Variants in KCNK1 observed in about 807,000 individuals in gnomAD.
KCNK1 encodes the protein potassium channel subfamily K member 1.
KCNK1 carries 10 observed loss-of-function variants against 22.2 expected under a neutral mutation model. The observed-to-expected ratio is 0.45, with a 90% CI of 0.28 to 0.76. The LOEUF is 0.76. KCNK1 is among the 30% of genes least tolerant of loss of function. KCNK1 has a pLI of 0.14. For synonymous variants in KCNK1, 200 were observed against 186.4 expected (o/e 1.07, Z -0.60); for missense variants, 378 against 421.0 (o/e 0.90, Z 0.89).
intron 1 of KCNK1, among the ~76,000 whole-genome samples, chr1:233,646,821 G>T (rs1357483016): frequency 6.6e-6 from 1 of 152,184 alleles, no homozygotes; most frequent in African/African-American, 2.4e-5. Flanking sequence ...TGAGAAAGAT[G>T]AGGATAGAAT....
At chr1:233,643,225 G>A (rs1276084974) in intron 1 of KCNK1, among the ~76,000 whole-genome samples, 2 of 152,082 alleles carry the variant, frequency 1.3e-5, no homozygotes, top group African/African-American at 4.8e-5. Context: ...CATCCACAGT[G>A]GTTAGGAGTA....
intron 1 of KCNK1, among the ~76,000 whole-genome samples, chr1:233,621,109 G>A (rs1426299613): frequency 2.0e-5 from 3 of 152,180 alleles, no homozygotes; most frequent in Non-Finnish European, 4.4e-5. Flanking sequence ...ACCTTGTTAT[G>A]GGCCAAATCG....
At chr1:233,663,118 G>C (rs1224908666) in intron 1 of KCNK1, among the ~76,000 whole-genome samples, 1 of 152,212 alleles carries the variant, frequency 6.6e-6, no homozygotes, top group African/African-American at 2.4e-5. Context: ...CTGTGTTGTA[G>C]TTGGTGCAGA....
At chr1:233,614,999 C>A (rs1464271960) in intron 1 of KCNK1, among the ~76,000 whole-genome samples, 1 of 152,228 alleles carries the variant, frequency 6.6e-6, no homozygotes. Context: ...GAGGCCGAGG[C>A]TGCAGTCTGG....
intron 1 of KCNK1, among the ~76,000 whole-genome samples, chr1:233,654,789 A>G (rs1436044615): frequency 6.6e-6 from 1 of 152,236 alleles, no homozygotes; most frequent in Non-Finnish European, 1.5e-5. Context: ...ACATTGGGAA[A>G]GAACACCAAG....
intron 1 of KCNK1, among the ~76,000 whole-genome samples, chr1:233,634,147 A>G (rs886663866): frequency 6.6e-6 from 1 of 151,998 alleles, no homozygotes; most frequent in African/African-American, 2.4e-5. Context: ...CTCTACTAAA[A>G]ATACAAAAAT....
intron 1 of KCNK1, among the ~76,000 whole-genome samples, chr1:233,621,831 CTTTTATGACATAACTGTGAG>C (rs992425372): frequency 4.6e-5 from 7 of 152,192 alleles, no homozygotes; most frequent in African/African-American, 1.4e-4. Context: ...GATGTCTTTC[CTTTTATGACATAACTGTGAG>C]TCCTATCAAG....
intron 1 of KCNK1, among the ~76,000 whole-genome samples, chr1:233,622,805 T>C (rs866630243): frequency 1.3e-5 from 2 of 152,230 alleles, no homozygotes; most frequent in Non-Finnish European, 1.5e-5. Flanking sequence ...CTGATTGTTA[T>C]ATTGATGAGA....
Position 233,671,421 on chromosome 1 carries a change from TCTC to T in KCNK1, c.906_908del (p.Ser303del). 2 of 1,614,082 alleles carry T rather than the reference TCTC, an allele frequency of 1.2e-6. No homozygotes were observed. The highest frequency in any genetic ancestry group is 1.1e-5 in the South Asian group (1 of 91,072). On this transcript the variant is annotated inframe_deletion, in exon 3 of 3. Coordinates refer to ENST00000366621, the MANE Select transcript of KCNK1 (RefSeq NM_002245.4). ...ATCATAGAGCATGACCAACTGTCCT[TCTC>T]CTCGATCACAGACCAGGCAGCTGGC...
intron 2 of KCNK1, among the ~76,000 whole-genome samples, chr1:233,671,054 A>G (rs1044680003): frequency 3.9e-5 from 6 of 152,130 alleles, no homozygotes; most frequent in African/African-American, 1.4e-4. Flanking sequence ...CCAAGTTCAT[A>G]GGAGGTTAAA....
At chr1:233,653,225 A>T (rs1658229865) in intron 1 of KCNK1, among the ~76,000 whole-genome samples, 1 of 152,132 alleles carries the variant, frequency 6.6e-6, no homozygotes, top group South Asian at 2.1e-4. Flanking sequence ...TCCCCCCTTG[A>T]TTCCTTTGTG....
chr1:233,633,029 C>T (rs562386556), intron 1 of KCNK1, among the ~76,000 whole-genome samples: 11 of 151,786 alleles, frequency 7.2e-5, no homozygotes, highest in East Asian at 1.9e-4. Context: ...TTTACAAAGA[C>T]GAGGTTCATT....
intron 2 of KCNK1, among the ~76,000 whole-genome samples, chr1:233,670,477 A>G (rs1288706076): frequency 5.3e-5 from 8 of 152,242 alleles, no homozygotes; most frequent in Admixed American, 5.2e-4. Flanking sequence ...AAGAGGTTTA[A>G]TTGGACTTAC....
At chr1:233,643,115 G>A (rs1194361295) in intron 1 of KCNK1, among the ~76,000 whole-genome samples, 1 of 151,928 alleles carries the variant, frequency 6.6e-6, no homozygotes, top group African/African-American at 2.4e-5. Context: ...GATGAGGAAG[G>A]AGGAGTCAGG....
intron 1 of KCNK1, among the ~76,000 whole-genome samples, chr1:233,662,253 TCTTCTTCTTCTTCTTCTTCTC>T (rs1658408277): frequency 1.5e-5 from 2 of 133,468 alleles, no homozygotes; most frequent in Admixed American, 1.6e-4. Context: ...TTCTTCTTCT[TCTTCTTCTTCTTCTTCTTCTC>T]CTCCTCCTCC....
intron 1 of KCNK1, chr1:233,655,946 G>A (rs1011136893): frequency 6.6e-6 from 1 of 152,066 alleles, no homozygotes; most frequent in African/African-American, 2.4e-5. Flanking sequence ...ATACTGGACA[G>A]CTCTTTAACT....
chr1:233,633,788 G>C (rs941394431), intron 1 of KCNK1, among the ~76,000 whole-genome samples: 4 of 152,116 alleles, frequency 2.6e-5, no homozygotes, highest in African/African-American at 9.7e-5. Context: ...AACAGCCCAT[G>C]ATTTAAGAAG....
chr1:233,663,247 A>G (rs921936875), intron 1 of KCNK1, among the ~76,000 whole-genome samples: 4 of 152,234 alleles, frequency 2.6e-5, no homozygotes, highest in Non-Finnish European at 4.4e-5. Flanking sequence ...GAGGAAAATT[A>G]CTTTCAGTAA....
At chr1:233,643,379 A>G (rs1658036472) in intron 1 of KCNK1, among the ~76,000 whole-genome samples, 1 of 152,090 alleles carries the variant, frequency 6.6e-6, no homozygotes, top group South Asian at 2.1e-4. Context: ...CACTCACTAC[A>G]CTCTAACTGG....
Sources: allele counts gnomAD v4.1 joint callset (sites outside exome capture counted in the v4.1 genomes callset), GRCh38; gene constraint gnomAD v4.1.1; transcripts MANE v1.5; gene names NCBI Gene and HGNC (gene_info 2026-07-23, HGNC 2026-07-21).